The following ZGPAT variants were observed in gnomAD, a reference collection of about 807,000 sequenced individuals.
ZGPAT encodes the protein zinc finger CCCH-type with G patch domain-containing protein.
Under a neutral mutation model 47.9 loss-of-function variants are expected in ZGPAT, and 39 were observed. That is an observed-to-expected ratio of 0.81 (90% CI 0.63 to 1.06). The LOEUF (loss-of-function observed/expected upper bound fraction) is 1.06, where lower values mean the gene tolerates loss of function less well. ZGPAT is among the 50% of genes least tolerant of loss of function. The pLI is 0.00. For missense variants in ZGPAT, 717 were observed against 681.4 expected (o/e 1.05, Z -0.58); for synonymous variants, 348 against 292.9 (o/e 1.19, Z -1.92).
At chr20:63,732,311 G>A (rs552273058) in intron 2 of ZGPAT, among the ~76,000 whole-genome samples, 22 of 146,400 alleles carry the variant, frequency 1.5e-4, no homozygotes, top group African/African-American at 5.6e-4. Flanking sequence ...ATGTGTGTGG[G>A]TGAGGGGGCA....
chr20:63,714,201 A>G (rs1050154920), intron 2 of ZGPAT, among the ~76,000 whole-genome samples: 9 of 151,996 alleles, frequency 5.9e-5, no homozygotes, highest in Non-Finnish European at 2.9e-5. Flanking sequence ...GGAAGTGGGC[A>G]GATCACTTGA....
At chr20:63,708,238 G>T in intron 1 of ZGPAT, 120 bp downstream of exon 1, 1 of 161,376 alleles carries the variant, frequency 6.2e-6, no homozygotes, top group South Asian at 1.8e-4. Flanking sequence ...AAGAGACGCC[G>T]GGCGGGGGGG....
intron 2 of ZGPAT, among the ~76,000 whole-genome samples, chr20:63,720,018 A>G (rs1043848537): frequency 6.6e-6 from 1 of 152,142 alleles, no homozygotes; most frequent in Non-Finnish European, 1.5e-5. Flanking sequence ...CTGGGATTAC[A>G]GATGTGAGCC....
At chr20:63,709,740 A>G (rs1056844042) in intron 2 of ZGPAT, among the ~76,000 whole-genome samples, 1 of 150,690 alleles carries the variant, frequency 6.6e-6, no homozygotes, top group Middle Eastern at 3.4e-3. Context: ...GTGCAGTGGC[A>G]TAGTCCTGGC....
chr20:63,729,679 A>G (rs924261103), intron 2 of ZGPAT, among the ~76,000 whole-genome samples: 4 of 152,104 alleles, frequency 2.6e-5, no homozygotes, highest in African/African-American at 7.2e-5. Flanking sequence ...ATATGCCATT[A>G]ACTTCTCTCC....
At chr20:63,708,481 G>A in intron 1 of ZGPAT, 72 bp from the exon 2 acceptor site, 2 of 1,127,796 alleles carry the variant, frequency 1.8e-6, no homozygotes, top group East Asian at 2.6e-5. Flanking sequence ...GGACGTGCCC[G>A]TGCCCGTGCC....
At position 63,734,126 on chromosome 20, in the gene ZGPAT, T is replaced by G. The variant is rs571755197; in HGVS notation, c.871+387T>G. 2.9e-4 allele frequency: 84 copies of G among 289,624 alleles called. 1 individual carries two copies. The highest frequency in any genetic ancestry group is 1.6e-3 in the African/African-American group (73 of 45,268). 17.9% of individuals were successfully genotyped at this position (289,624 alleles called of 1,614,324 possible). On this transcript the variant is annotated intron_variant, in intron 4 of 6. Coordinates refer to ENST00000355969, the MANE Select transcript of ZGPAT (RefSeq NM_181485.3). ...GCCTGGGATCCTGGCAGACAGAGGT[T>G]GTGTCCAGACAGCCAGCATGGAAGT...
At chr20:63,734,584 G>A (rs113775269) in intron 4 of ZGPAT, 121 bp from the exon 5 acceptor site, 86 of 1,520,658 alleles carry the variant, frequency 5.7e-5, no homozygotes, top group African/African-American at 5.0e-4. Context: ...GTCAAAGCCC[G>A]GGTCACCATG....
chr20:63,719,888 G>A (rs1166018568), intron 2 of ZGPAT, among the ~76,000 whole-genome samples: 1 of 151,606 alleles, frequency 6.6e-6, no homozygotes, highest in Non-Finnish European at 1.5e-5. Flanking sequence ...TTATAGGCAT[G>A]TGCCACCACA....
intron 2 of ZGPAT, among the ~76,000 whole-genome samples, chr20:63,732,922 C>G (rs989235160): frequency 1.3e-5 from 2 of 151,138 alleles, no homozygotes; most frequent in East Asian, 1.9e-4. Context: ...GTGTATATGC[C>G]TGCATGTATA....
chr20:63,711,715 TG>T (rs2091670157), intron 2 of ZGPAT, among the ~76,000 whole-genome samples: 3 of 152,028 alleles, frequency 2.0e-5, no homozygotes. Context: ...CCCAAGTAGC[TG>T]GGATTACAGG....
rs185760188 is a variant in ZGPAT at position 63,734,915 on chromosome 20, C to A, written c.991+91C>A. The A allele has an allele frequency of 2.6e-5, 38 of 1,450,426 alleles. No individual in the cohort carries two copies. In the South Asian group the frequency reaches 4.7e-4, roughly 18 times the overall value. The allele number at this position is 1,450,426 out of a possible 1,614,324, so 89.8% of individuals were successfully genotyped here. On this transcript the variant is annotated intron_variant, in intron 5 of 6. Transcript: ENST00000355969. ...CAGGTTCCCGGGGTCCCGCAGCCATCGGGTTCCCAGGGTCCCGCAGCCACA... is the reference window on the plus strand; with the variant it reads ...CAGGTTCCCGGGGTCCCGCAGCCATAGGGTTCCCAGGGTCCCGCAGCCACA...
intron 2 of ZGPAT, among the ~76,000 whole-genome samples, chr20:63,720,391 A>G (rs905279555): frequency 2.0e-5 from 3 of 151,036 alleles, no homozygotes; most frequent in Admixed American, 6.6e-5. Context: ...TCGTGACCTC[A>G]TGATCCTCCT....
Position 63,708,577 on chromosome 20 carries a change from C to T in ZGPAT, c.-4C>T, listed in dbSNP as rs762695925. ...GCCCTGGTCCAGCGCCTCCCTCTCTCAGCATGGACGAGGAGAGCCTGGAGT... is the reference window on the plus strand; with the variant it reads ...GCCCTGGTCCAGCGCCTCCCTCTCTTAGCATGGACGAGGAGAGCCTGGAGT... On this transcript the variant is annotated 5_prime_UTR_variant, in exon 2 of 7. Coordinates refer to ENST00000355969, the MANE Select transcript of ZGPAT (RefSeq NM_181485.3). 4 of 1,586,086 alleles carry T rather than the reference C, an allele frequency of 2.5e-6. No homozygotes were observed. The highest frequency in any genetic ancestry group is 4.5e-5 in the East Asian group (2 of 44,344).
At chr20:63,722,369 T>G (rs2091797587) in intron 2 of ZGPAT, among the ~76,000 whole-genome samples, 1 of 152,120 alleles carries the variant, frequency 6.6e-6, no homozygotes, top group Non-Finnish European at 1.5e-5. Flanking sequence ...TTTGACAGTT[T>G]AATAGAAAAA....
intron 2 of ZGPAT, among the ~76,000 whole-genome samples, chr20:63,725,283 T>C (rs1465379200): frequency 6.6e-6 from 1 of 152,214 alleles, no homozygotes; most frequent in Non-Finnish European, 1.5e-5. Context: ...CGCGCCCGGC[T>C]AGAATTTCTT....
At chr20:63,725,133 T>C (rs537784653) in intron 2 of ZGPAT, among the ~76,000 whole-genome samples, 120 of 152,018 alleles carry the variant, frequency 7.9e-4, no homozygotes, top group African/African-American at 2.4e-3. Context: ...TACAGGCGCC[T>C]GCCACCACGC....
intron 2 of ZGPAT, among the ~76,000 whole-genome samples, chr20:63,709,770 C>G (rs969264504): frequency 4.6e-5 from 7 of 151,618 alleles, no homozygotes; most frequent in Non-Finnish European, 7.4e-5. Flanking sequence ...CCTGGACCTC[C>G]TGGGCTCAAC....
Position 63,724,381 on chromosome 20 carries a change from G to GA in ZGPAT, c.585-8834dup, listed in dbSNP as rs2091821972. Among the ~76,000 whole-genome samples the GA allele has an allele frequency of 1.0e-4, 9 of 87,458 alleles. No homozygotes were observed. In the South Asian group the frequency reaches 3.0e-3, roughly 30 times the overall value. 57.4% of individuals were successfully genotyped at this position (87,458 alleles called of 152,430 possible). A position where few individuals can be genotyped will look rare whatever the true frequency, so the allele number is the denominator to read the frequency against. On this transcript the variant is annotated intron_variant, in intron 2 of 6. Transcript: ENST00000355969. ...CTCTGCCTAAAAAAAAAAAAAAAAA[G>GA]AAAAGAAAAGAAATTAAGATCTGGA...
Sources: gnomAD v4.1 joint callset for allele counts (sites outside exome capture counted in the v4.1 genomes callset) on GRCh38, gnomAD v4.1.1 for gene constraint, MANE v1.5 for transcripts, NCBI Gene and HGNC (gene_info 2026-07-23, HGNC 2026-07-21) for gene names.